Variants in PROC observed in about 807,000 individuals in gnomAD.
PROC encodes the protein vitamin K-dependent protein C.
PROC carries 22 observed loss-of-function variants against 36.3 expected under a neutral mutation model. The observed-to-expected ratio is 0.61, with a 90% CI of 0.43 to 0.86. The LOEUF (loss-of-function observed/expected upper bound fraction) is 0.86. Among genes scored for constraint, PROC ranks in the 40% least tolerant of loss-of-function variants. The pLI is 0.00. For missense variants in PROC, 526 were observed against 629.7 expected (o/e 0.84, Z 1.76); for synonymous variants, 218 against 244.5 (o/e 0.89, Z 1.01).
chr2:127,421,215 C>T (rs1052229577), intron 2 of PROC, 68 bp from the exon 3 acceptor site: 8 of 1,529,196 alleles, frequency 5.2e-6, no homozygotes, highest in Non-Finnish European at 7.2e-6. Context: ...CTTCCTCAGA[C>T]CCCCTCATGG....
chr2:127,423,407 A>C lies in PROC; in HGVS notation c.534A>C (p.Ala178=). The part of the protein sequence containing the change: ...LGDDLLQCHP[A]VKFPCGRPWK... ...ACGACCTCCTGCAGTGTCACCCCGC[A>C]GGTGAGAAGCCCCCAATACATCGCC... The change falls in exon 6 of 9, where the codon GCA becomes GCC. Residue 178 remains alanine (A), a splice_region_variant and synonymous_variant. Transcript: ENST00000234071. 6.5e-7 allele frequency: 1 copy of C among 1,549,678 alleles called. No homozygotes were observed.
At chr2:127,421,731 T>A (rs1688105336) in intron 3 of PROC, among the ~76,000 whole-genome samples, 1 of 152,186 alleles carries the variant, frequency 6.6e-6, no homozygotes, top group African/African-American at 2.4e-5. Context: ...CAGCCACTGC[T>A]GAGCACCACT....
chr2:127,421,524 G>A (rs976238462), intron 3 of PROC, 75 bp downstream of exon 3: 14 of 1,559,312 alleles, frequency 9.0e-6, no homozygotes, highest in African/African-American at 1.4e-5. Flanking sequence ...AGGAGCAGGT[G>A]GGGACTCAAT....
chr2:127,423,670 C>T (rs1688287681), intron 6 of PROC: 3 of 501,030 alleles, frequency 6.0e-6, no homozygotes, highest in Non-Finnish European at 1.0e-5. Context: ...CCCCTGCGCA[C>T]CTGGGGCCAC....
At chr2:127,425,947 T>C (rs1688466315) in intron 6 of PROC, 138 bp from the exon 7 acceptor site, 2 of 858,582 alleles carry the variant, frequency 2.3e-6, no homozygotes, top group Non-Finnish European at 3.9e-6. Context: ...CTAATATTAA[T>C]GGAGTGGTCT....
chr2:127,425,399 A>G (rs1229703730), intron 6 of PROC, among the ~76,000 whole-genome samples: 1 of 152,196 alleles, frequency 6.6e-6, no homozygotes, highest in African/African-American at 2.4e-5. Flanking sequence ...TTCAAGGCCC[A>G]TTTTGAGCAG....
chr2:127,419,888 T>C (rs1173475693), intron 1 of PROC, 34 bp from the exon 2 acceptor site: 3 of 1,613,236 alleles, frequency 1.9e-6, no homozygotes, highest in African/African-American at 1.3e-5. Flanking sequence ...GCAGCGGGGG[T>C]AGGCACTGCC....
At chr2:127,419,771 CTA>C in intron 1 of PROC, 149 bp from the exon 2 acceptor site, 1 of 1,505,768 alleles carries the variant, frequency 6.6e-7, no homozygotes. Flanking sequence ...CCTTCTGAGG[CTA>C]TGTCTCTAGC....
Position 127,426,356 on chromosome 2 carries a change from G to A in PROC, c.678+129G>A, listed in dbSNP as rs1688498634. The A allele has an allele frequency of 1.4e-6, 2 of 1,383,306 alleles. No individual in the cohort carries two copies. Among genetic ancestry groups the A allele is most frequent in the Admixed American group, 1.9e-5 (1 of 53,724 alleles). The allele number at this position is 1,383,306 out of a possible 1,614,324, so 85.7% of individuals were successfully genotyped here. A position where few individuals can be genotyped will look rare whatever the true frequency, so the allele number is the denominator to read the frequency against. On this transcript the variant is annotated intron_variant, in intron 7 of 8. Transcript: ENST00000234071. The surrounding 1 kb of genome is among the most constrained non-coding windows in gnomAD (Gnocchi z 7.0). ...CCATTGCGTTTGGGGGATGATGAAGGTGGGGGATGCTTCAGGGAAAGATGG... is the reference window on the plus strand; with the variant it reads ...CCATTGCGTTTGGGGGATGATGAAGATGGGGGATGCTTCAGGGAAAGATGG...
intron 7 of PROC, 59 bp from the exon 8 acceptor site, chr2:127,427,046 C>T: frequency 6.9e-7 from 1 of 1,456,700 alleles, no homozygotes; most frequent in Non-Finnish European, 9.6e-7. Flanking sequence ...ACCCAGGTGC[C>T]CTGGACTGGA....
In PROC at chr2:127,428,604, A is replaced by G; in HGVS notation, c.1044A>G (p.Arg348=). ...LVTGWGYHSS[R]EKEAKRNRTF... ...CGGGCTGGGGCTACCACAGCAGCCGAGAGAAGGAGGCCAAGAGAAACCGCA... is the reference window on the plus strand; with the variant it reads ...CGGGCTGGGGCTACCACAGCAGCCGGGAGAAGGAGGCCAAGAGAAACCGCA... The change falls in exon 9 of 9, where the codon CGA becomes CGG. Residue 348 remains arginine (R), a synonymous_variant. Coordinates refer to ENST00000234071, the MANE Select transcript of PROC (RefSeq NM_000312.4). 1 of 1,614,044 alleles carries G rather than the reference A, an allele frequency of 6.2e-7. No homozygotes were observed. Among genetic ancestry groups the G allele is most frequent in the Non-Finnish European group, 8.5e-7 (1 of 1,180,046 alleles).
In PROC at chr2:127,418,515, C is replaced by T. The variant is rs559542788; in HGVS notation, c.-22+23C>T. ...CCTGTGAGTCCCCCTCCAGGCAGGT[C>T]TATGAGGGGTGTGGAGGGAGGGCTG... On this transcript the variant is annotated intron_variant, in intron 1 of 8. Coordinates refer to ENST00000234071, the MANE Select transcript of PROC (RefSeq NM_000312.4). This position sits in a 1 kb window ranked among gnomAD's most constrained non-coding sequence, Gnocchi z 4.8. 117 of 1,289,668 alleles carry T rather than the reference C, an allele frequency of 9.1e-5. No individual in the cohort carries two copies. In the African/African-American group the frequency reaches 1.7e-3, roughly 19 times the overall value. 79.9% of individuals were successfully genotyped at this position (1,289,668 alleles called of 1,614,324 possible).
Position 127,421,452 on chromosome 2 carries a change from A to G in PROC, c.237+3A>G. 1 of 1,613,832 alleles carries G rather than the reference A, an allele frequency of 6.2e-7. No individual in the cohort carries two copies. Among genetic ancestry groups the G allele is most frequent in the Non-Finnish European group, 8.5e-7 (1 of 1,179,926 alleles). On this transcript the variant is annotated splice_donor_region_variant and intron_variant, in intron 3 of 8. Coordinates refer to ENST00000234071, the MANE Select transcript of PROC (RefSeq NM_000312.4). Reference sequence around the variant, plus strand: ...TTTTCCAAAATGTGGATGACACAGTAAGGCCACCATGGGTCCAGAGGATGA... The same window carrying G: ...TTTTCCAAAATGTGGATGACACAGTGAGGCCACCATGGGTCCAGAGGATGA...
chr2:127,425,090 G>C (rs1041127053), intron 6 of PROC, among the ~76,000 whole-genome samples: 2 of 152,216 alleles, frequency 1.3e-5, no homozygotes, highest in African/African-American at 4.8e-5. Context: ...TCAAGTCAGT[G>C]AGGAGGGCTT....
chr2:127,426,505 C>T lies in PROC; in HGVS notation c.678+278C>T, dbSNP rs776174550. On this transcript the variant is annotated intron_variant, in intron 7 of 8. Coordinates refer to ENST00000234071, the MANE Select transcript of PROC (RefSeq NM_000312.4). The surrounding 1 kb of genome is among the most constrained non-coding windows in gnomAD (Gnocchi z 7.0). ...AGCTGGAAAGACACTGCTCTGCTGG[C>T]GGGATTTTAGGCAGAAGCCCTGCTG... is the stretch of plus-strand genomic sequence containing the variant. The T allele has an allele frequency of 2.8e-5, 14 of 492,344 alleles. No homozygotes were observed. Among genetic ancestry groups the T allele is most frequent in the East Asian group, 7.6e-5 (2 of 26,244 alleles). The allele number at this position is 492,344 out of a possible 1,614,324, so 30.5% of individuals were successfully genotyped here. A position where few individuals can be genotyped will look rare whatever the true frequency, so the allele number is the denominator to read the frequency against.
Position 127,428,575 on chromosome 2 carries a change from G to GT in PROC, c.1016dup (p.Thr340AspfsTer33). 1 of 1,613,844 alleles carries GT rather than the reference G, an allele frequency of 6.2e-7. No homozygotes were observed. Among genetic ancestry groups the GT allele is most frequent in the Non-Finnish European group, 8.5e-7 (1 of 1,180,040 alleles). ...CAATCAGGCCGGCCAGGAGACCCTC[G>GT]TGACGGGCTGGGGCTACCACAGCAG... On this transcript the variant is annotated frameshift_variant, in exon 9 of 9. Transcript: ENST00000234071. LOFTEE classifies it low-confidence loss of function (END_TRUNC).
At position 127,426,351 on chromosome 2, in the gene PROC, T is replaced by C; in HGVS notation, c.678+124T>C. On this transcript the variant is annotated intron_variant, in intron 7 of 8. Transcript: ENST00000234071. This position sits in a 1 kb window ranked among gnomAD's most constrained non-coding sequence, Gnocchi z 7.0. ...CGCTGCCATTGCGTTTGGGGGATGA[T>C]GAAGGTGGGGGATGCTTCAGGGAAA... is the stretch of plus-strand genomic sequence containing the variant. 1.4e-6 allele frequency: 2 copies of C among 1,397,878 alleles called. No homozygotes were observed. The highest frequency in any genetic ancestry group is 1.2e-5 in the South Asian group (1 of 81,010). The allele number at this position is 1,397,878 out of a possible 1,614,324, so 86.6% of individuals were successfully genotyped here.
At chr2:127,423,649 C>A in intron 6 of PROC, 1 of 509,934 alleles carries the variant, frequency 2.0e-6, no homozygotes, top group Non-Finnish European at 3.1e-6. Context: ...TCCCCGCCTT[C>A]CTCCGGGCGC....
chr2:127,428,675 A>T lies in PROC; in HGVS notation c.1115A>T (p.Glu372Val). Residue 372 changes from glutamate (E) to valine (V), a missense_variant, in exon 9 of 9, where the codon GAG becomes GTG. Transcript: ENST00000234071. ...FIKIPVVPHN[E>V]CSEVMSNMVS... Reference sequence around the variant, plus strand: ...AAGATTCCCGTGGTCCCGCACAATGAGTGCAGCGAGGTCATGAGCAACATG... The same window carrying T: ...AAGATTCCCGTGGTCCCGCACAATGTGTGCAGCGAGGTCATGAGCAACATG... The T allele has an allele frequency of 6.2e-7, 1 of 1,613,958 alleles. No homozygotes were observed. Among genetic ancestry groups the T allele is most frequent in the South Asian group, 1.1e-5 (1 of 91,090 alleles).
Sources: gnomAD v4.1 joint callset for allele counts (sites outside exome capture counted in the v4.1 genomes callset) on GRCh38, gnomAD v4.1.1 for gene constraint, Gnocchi (gnomAD v3.1) non-coding constraint, MANE v1.5 for transcripts, NCBI Gene and HGNC (gene_info 2026-07-23, HGNC 2026-07-21) for gene names.